Variants in NEGR1 observed in about 807,000 individuals in gnomAD.
NEGR1 encodes IgLON family member 4.
A neutral mutation model predicts 40.9 loss-of-function variants in NEGR1; 10 were observed. That is an observed-to-expected ratio of 0.24 (90% CI 0.15 to 0.42). The LOEUF (loss-of-function observed/expected upper bound fraction) is 0.42. NEGR1 is among the 10% of genes least tolerant of loss of function. NEGR1 has a pLI of 1.00. For missense variants in NEGR1, 352 were observed against 438.9 expected (o/e 0.80, Z 1.77); for synonymous variants, 185 against 166.8 (o/e 1.11, Z -0.84).
intron 1 of NEGR1, among the ~76,000 whole-genome samples, chr1:72,271,317 G>C (rs975005073): frequency 1.3e-5 from 2 of 151,894 alleles, no homozygotes; most frequent in African/African-American, 4.8e-5. Context: ...CTTGGAAGCT[G>C]CAACTTTAAG....
intron 4 of NEGR1, among the ~76,000 whole-genome samples, chr1:71,617,445 G>A (rs780073953): frequency 3.3e-5 from 5 of 152,196 alleles, no homozygotes; most frequent in South Asian, 2.1e-4. Flanking sequence ...GAGGATGTTC[G>A]TGAGGATATG....
At chr1:71,739,602 A>T (rs562115172) in intron 3 of NEGR1, among the ~76,000 whole-genome samples, 1 of 152,230 alleles carries the variant, frequency 6.6e-6, no homozygotes, top group East Asian at 1.9e-4. Context: ...TCTGTGTGCA[A>T]TTGCACATTT....
At chr1:71,682,107 A>G (rs1420316213) in intron 4 of NEGR1, among the ~76,000 whole-genome samples, 8 of 152,200 alleles carry the variant, frequency 5.3e-5, no homozygotes, top group Non-Finnish European at 1.5e-5. Flanking sequence ...GATTACAGGC[A>G]TGAGCCACCA....
At chr1:71,697,945 G>A in intron 4 of NEGR1, 63 bp downstream of exon 4, 1 of 1,509,018 alleles carries the variant, frequency 6.6e-7, no homozygotes, top group Non-Finnish European at 9.0e-7. Context: ...ATTTCAGTCA[G>A]AATTTTTCAA....
intron 1 of NEGR1, among the ~76,000 whole-genome samples, chr1:72,051,716 A>T (rs1647063411): frequency 6.6e-6 from 1 of 151,332 alleles, no homozygotes; most frequent in Non-Finnish European, 1.5e-5. Flanking sequence ...TGAAGAAAGG[A>T]GCTCCCCACA....
chr1:71,758,559 T>C (rs1247945861), intron 3 of NEGR1, among the ~76,000 whole-genome samples: 3 of 152,132 alleles, frequency 2.0e-5, no homozygotes, highest in South Asian at 2.1e-4. Context: ...TAGTGATGAT[T>C]ATTCCTAATT....
intron 1 of NEGR1, among the ~76,000 whole-genome samples, chr1:72,171,681 T>C (rs1460225802): frequency 6.6e-6 from 1 of 152,212 alleles, no homozygotes; most frequent in East Asian, 1.9e-4. Context: ...AAATAAGTTA[T>C]GTATAAAAAC....
At chr1:71,512,676 A>C (rs1285095539) in intron 6 of NEGR1, among the ~76,000 whole-genome samples, 1 of 150,606 alleles carries the variant, frequency 6.6e-6, no homozygotes, top group African/African-American at 2.4e-5. Flanking sequence ...TGTGCCTCCC[A>C]GGTTCAAGCA....
rs371333662 is a variant in NEGR1 at position 72,105,171 on chromosome 1, G to A, written c.177-169860C>T. On this transcript the variant is annotated intron_variant, in intron 1 of 6. Coordinates refer to ENST00000357731, the MANE Select transcript of NEGR1 (RefSeq NM_173808.3). ...CCTCCAAACTATTCTCTATACTACA[G>A]CCAGAATCATCTTTCTAAAACATGT... Among the ~76,000 whole-genome samples the A allele has an allele frequency of 2.6e-4, 40 of 152,074 alleles. No homozygotes were observed. In the South Asian group the frequency reaches 5.2e-3, roughly 20 times the overall value.
chr1:71,731,912 C>A (rs1557631375), intron 3 of NEGR1, among the ~76,000 whole-genome samples: 1 of 152,222 alleles, frequency 6.6e-6, no homozygotes, highest in Non-Finnish European at 1.5e-5. Flanking sequence ...GTCAATTTAG[C>A]ATGGTCACTT....
intron 3 of NEGR1, among the ~76,000 whole-genome samples, chr1:71,739,626 G>A (rs1655153347): frequency 6.6e-6 from 1 of 151,670 alleles, no homozygotes; most frequent in African/African-American, 2.4e-5. Flanking sequence ...AAAAATTCTA[G>A]GAGTATCAAA....
intron 1 of NEGR1, among the ~76,000 whole-genome samples, chr1:72,200,626 T>C (rs1653170729): frequency 6.6e-6 from 1 of 151,900 alleles, no homozygotes; most frequent in Non-Finnish European, 1.5e-5. Context: ...CCTGTACATG[T>C]ACCCCCAAAC....
intron 2 of NEGR1, among the ~76,000 whole-genome samples, chr1:71,932,882 G>T (rs1375035738): frequency 1.3e-5 from 2 of 151,958 alleles, no homozygotes; most frequent in African/African-American, 4.8e-5. Context: ...GCTTAAGTGG[G>T]GTTGACTTTT....
intron 6 of NEGR1, among the ~76,000 whole-genome samples, chr1:71,501,941 T>C (rs1190273458): frequency 6.6e-6 from 1 of 152,212 alleles, no homozygotes; most frequent in Non-Finnish European, 1.5e-5. Context: ...ATTGACTTTT[T>C]TGTCCAACTT....
At chr1:71,742,327 C>T (rs1054943002) in intron 3 of NEGR1, among the ~76,000 whole-genome samples, 3 of 151,988 alleles carry the variant, frequency 2.0e-5, no homozygotes, top group African/African-American at 4.8e-5. Context: ...GGAATGTGAC[C>T]CTCACCTAGA....
intron 3 of NEGR1, among the ~76,000 whole-genome samples, chr1:71,756,008 C>G (rs1229442728): frequency 4.6e-5 from 7 of 152,178 alleles, no homozygotes; most frequent in Non-Finnish European, 7.4e-5. Flanking sequence ...AATCTTTAAG[C>G]CTCAAATGTA....
intron 3 of NEGR1, 34 bp from the exon 4 acceptor site, chr1:71,698,173 C>T: frequency 6.3e-7 from 1 of 1,591,012 alleles, no homozygotes; most frequent in Non-Finnish European, 8.6e-7. Context: ...TTAATTGTAG[C>T]CGCCTGAGGC....
intron 1 of NEGR1, among the ~76,000 whole-genome samples, chr1:72,120,517 T>TC (rs200050013): frequency 0.086 from 13,090 of 152,034 alleles, 745 homozygotes; most frequent in Non-Finnish European, 0.13. Flanking sequence ...TTTCTTTCTT[T>TC]TTTTTATCAT....
intron 6 of NEGR1, among the ~76,000 whole-genome samples, chr1:71,569,597 T>C (rs935353134): frequency 6.6e-6 from 1 of 152,224 alleles, no homozygotes; most frequent in Non-Finnish European, 1.5e-5. Flanking sequence ...AAAGTTTATT[T>C]ATTTATTTTT....
Sources: allele counts gnomAD v4.1 joint callset (sites outside exome capture counted in the v4.1 genomes callset), GRCh38; gene constraint gnomAD v4.1.1; transcripts MANE v1.5; gene names NCBI Gene and HGNC (gene_info 2026-07-23, HGNC 2026-07-21).